PTGIS: variants seen among roughly 807,000 people sequenced by gnomAD.
PTGIS encodes the protein prostaglandin I2 synthase.
Under a neutral mutation model 50.3 loss-of-function variants are expected in PTGIS, and 45 were observed. The ratio of observed to expected loss-of-function variants is 0.90; its 90% CI spans 0.70 to 1.15. The LOEUF (loss-of-function observed/expected upper bound fraction) is 1.15. PTGIS is among the 50% of genes most tolerant of loss of function. The pLI is 0.00. For synonymous variants in PTGIS, 260 were observed against 267.7 expected (o/e 0.97, Z 0.28); for missense variants, 668 against 661.3 (o/e 1.01, Z -0.11).
At chr20:49,533,140 A>ACATGTGT (rs1981977400) in intron 5 of PTGIS, among the ~76,000 whole-genome samples, 1 of 152,130 alleles carries the variant, frequency 6.6e-6, no homozygotes, top group Non-Finnish European at 1.5e-5. Flanking sequence ...GAGGACCCAG[A>ACATGTGT]CTTGAATACC....
Position 49,508,067 on chromosome 20 carries a change from G to A in PTGIS, c.1359-3C>T. On this transcript the variant is annotated splice_polypyrimidine_tract_variant and splice_region_variant and intron_variant, in intron 9 of 9. Coordinates refer to ENST00000244043, the MANE Select transcript of PTGIS (RefSeq NM_000961.4). The stretch of plus-strand genomic sequence containing the variant: ...GCACCAGCACAAGGAACACAAATCT[G>A]CAGAGAGATGGCATGGAAGGTGTGA... The A allele has an allele frequency of 6.2e-7, 1 of 1,613,688 alleles. No homozygotes were observed. Among genetic ancestry groups the A allele is most frequent in the Non-Finnish European group, 8.5e-7 (1 of 1,180,016 alleles).
chr20:49,528,184 A>G (rs1981838842), intron 5 of PTGIS, among the ~76,000 whole-genome samples: 2 of 152,246 alleles, frequency 1.3e-5, no homozygotes, highest in African/African-American at 4.8e-5. Flanking sequence ...ATGGTCAACC[A>G]TGGTCCAAAA....
chr20:49,522,973 G>A (rs1981690765), intron 6 of PTGIS, among the ~76,000 whole-genome samples: 3 of 152,214 alleles, frequency 2.0e-5, no homozygotes, highest in South Asian at 2.1e-4. Flanking sequence ...GCCGTGAGCC[G>A]AGATTATGCC....
At chr20:49,534,892 G>A (rs1367536772) in intron 5 of PTGIS, among the ~76,000 whole-genome samples, 1 of 152,160 alleles carries the variant, frequency 6.6e-6, no homozygotes, top group African/African-American at 2.4e-5. Flanking sequence ...TGTAGTCCCA[G>A]CTACTTGGGA....
In PTGIS at chr20:49,508,016, T is replaced by G. The variant is rs1267919884; in HGVS notation, c.1407A>C (p.Ala469=). ...GGTCAAACTCAGGGATCTCCACATC[T>G]GCGTTGATCAGCTCCAAGTCCAAGT... The part of the protein sequence containing the change: ...LVHLDLELIN[A]DVEIPEFDLS... Residue 469 remains alanine (A), a synonymous_variant, in exon 10 of 10, where the codon GCA becomes GCC. Coordinates refer to ENST00000244043, the MANE Select transcript of PTGIS (RefSeq NM_000961.4). 1.9e-6 allele frequency: 3 copies of G among 1,613,876 alleles called. No homozygotes were observed. The highest frequency in any genetic ancestry group is 2.5e-6 in the Non-Finnish European group (3 of 1,180,050).
chr20:49,555,741 T>C (rs964373069), intron 1 of PTGIS, among the ~76,000 whole-genome samples: 2 of 152,254 alleles, frequency 1.3e-5, no homozygotes, highest in Non-Finnish European at 2.9e-5. Context: ...CAATTGTGTC[T>C]TTAACTATGG....
intron 1 of PTGIS, among the ~76,000 whole-genome samples, chr20:49,551,435 A>G (rs1982504216): frequency 6.6e-6 from 1 of 152,198 alleles, no homozygotes; most frequent in Admixed American, 6.5e-5. Flanking sequence ...ATTTATTTCT[A>G]TTGACAATAA....
intron 1 of PTGIS, among the ~76,000 whole-genome samples, chr20:49,551,070 C>T (rs6095576): frequency 6.1e-4 from 93 of 152,096 alleles, no homozygotes; most frequent in African/African-American, 2.0e-3. Context: ...CAGGCATGGT[C>T]GTGGTGCATG....
chr20:49,539,222 A>G (rs1329464459), intron 5 of PTGIS, among the ~76,000 whole-genome samples: 1 of 152,118 alleles, frequency 6.6e-6, no homozygotes, highest in Non-Finnish European at 1.5e-5. Context: ...CCTGTAAATT[A>G]TTCTATATGG....
Position 49,544,423 on chromosome 20 carries a change from C to T in PTGIS, c.403G>A (p.Ala135Thr). The T allele has an allele frequency of 6.2e-7, 1 of 1,614,100 alleles. No homozygotes were observed. The highest frequency in any genetic ancestry group is 8.5e-7 in the Non-Finnish European group (1 of 1,180,012). ...TTGGTATACATGGCTTCTGTGAGTG[C>T]CTGGAGCTCTCTGTGGAGAAGAGTC... is the stretch of plus-strand genomic sequence containing the variant. ...KLTLLHRELQ[A>T]LTEAMYTNLH... The change falls in exon 4 of 10, where the codon GCA becomes ACA. Residue 135 changes from alanine (A) to threonine (T), a missense_variant. By Grantham distance (58) the Ala-to-Thr change is moderately conservative. Transcript: ENST00000244043.
intron 5 of PTGIS, among the ~76,000 whole-genome samples, chr20:49,538,505 C>A (rs1982141355): frequency 6.6e-6 from 1 of 151,938 alleles, no homozygotes; most frequent in Non-Finnish European, 1.5e-5. Context: ...TGAAAGAAGC[C>A]AGGCATAAAA....
chr20:49,517,023 G>A (rs1230700205), intron 6 of PTGIS, among the ~76,000 whole-genome samples: 2 of 152,194 alleles, frequency 1.3e-5, no homozygotes, highest in Non-Finnish European at 2.9e-5. Context: ...CCTCCTGGGT[G>A]GACGCAAGGG....
chr20:49,520,830 C>A (rs1369215538), intron 6 of PTGIS, among the ~76,000 whole-genome samples: 1 of 151,914 alleles, frequency 6.6e-6, no homozygotes, highest in Non-Finnish European at 1.5e-5. Context: ...TCACGCCCAG[C>A]TTTTCTACAA....
At chr20:49,514,524 C>T (rs567361096) in intron 6 of PTGIS, 129 bp from the exon 7 acceptor site, 3 of 1,131,476 alleles carry the variant, frequency 2.7e-6, no homozygotes, top group South Asian at 2.7e-5. Context: ...AACACCCAGG[C>T]ATGACCAGTG....
chr20:49,533,203 G>T (rs1981979900), intron 5 of PTGIS, among the ~76,000 whole-genome samples: 2 of 152,280 alleles, frequency 1.3e-5, no homozygotes, highest in South Asian at 4.1e-4. Context: ...TGGGGGCATA[G>T]TACAGAGAGG....
chr20:49,544,903 A>C (rs1568681681), intron 3 of PTGIS, among the ~76,000 whole-genome samples: 1 of 152,150 alleles, frequency 6.6e-6, no homozygotes, highest in Non-Finnish European at 1.5e-5. Flanking sequence ...AAAGCAACTC[A>C]TCTCTCCCTG....
At chr20:49,561,150 C>G (rs1451628222) in intron 1 of PTGIS, among the ~76,000 whole-genome samples, 2 of 152,142 alleles carry the variant, frequency 1.3e-5, no homozygotes, top group Admixed American at 6.5e-5. Context: ...CCTCCTTTCC[C>G]CCTCCCTCTC....
In PTGIS at chr20:49,507,785, T is replaced by C. The variant is rs1981192897; in HGVS notation, c.*135A>G. ...CTTTTCCCTCCCCTGGACCCAGCCTTCTGGGAGAAAAGCAGGGAAGTGGTA... is the reference window on the plus strand; with the variant it reads ...CTTTTCCCTCCCCTGGACCCAGCCTCCTGGGAGAAAAGCAGGGAAGTGGTA... On this transcript the variant is annotated 3_prime_UTR_variant, in exon 10 of 10. Transcript: ENST00000244043. The C allele has an allele frequency of 1.6e-6, 2 of 1,240,652 alleles. No individual in the cohort carries two copies. Among genetic ancestry groups the C allele is most frequent in the African/African-American group, 1.5e-5 (1 of 67,194 alleles). The allele number at this position is 1,240,652 out of a possible 1,614,324, so 76.9% of individuals were successfully genotyped here. A position where few individuals can be genotyped will look rare whatever the true frequency, so the allele number is the denominator to read the frequency against.
At chr20:49,514,156 GTTGGGGAGGGCT>G in intron 7 of PTGIS, 59 bp downstream of exon 7, 1 of 1,580,562 alleles carries the variant, frequency 6.3e-7, no homozygotes, top group Non-Finnish European at 8.6e-7. Flanking sequence ...AGGAGTCCAT[GTTGGGGAGGGCT>G]TTGGGGGTCC....
Sources: gnomAD v4.1 joint callset for allele counts (sites outside exome capture counted in the v4.1 genomes callset) on GRCh38, gnomAD v4.1.1 for gene constraint, MANE v1.5 for transcripts, NCBI Gene and HGNC (gene_info 2026-07-23, HGNC 2026-07-21) for gene names.